The following SVOPL variants were observed in gnomAD, a reference collection of about 807,000 sequenced individuals.
SVOPL encodes putative transporter SVOPL.
In SVOPL, 60 loss-of-function variants were observed where a neutral mutation model predicts 61.0. That is an observed-to-expected ratio of 0.98 (90% CI 0.80 to 1.22). The LOEUF (loss-of-function observed/expected upper bound fraction) is 1.22, where lower values mean the gene tolerates loss of function less well. Among genes scored for constraint, SVOPL ranks in the 50% most tolerant of loss-of-function variants. SVOPL has a pLI of 0.00. For synonymous variants in SVOPL, 279 were observed against 250.0 expected, an observed-to-expected ratio of 1.12 and a Z score of -1.09; for missense variants, 662 against 643.9, an observed-to-expected ratio of 1.03 and a Z score of -0.30.
chr7:138,621,119 A>T lies in SVOPL; in HGVS notation c.1280T>A (p.Met427Lys). The T allele has an allele frequency of 6.2e-7, 1 of 1,613,722 alleles. No individual in the cohort carries two copies. Among genetic ancestry groups the T allele is most frequent in the Non-Finnish European group, 8.5e-7 (1 of 1,179,846 alleles). Reference sequence around the variant, plus strand: ...GCTGGTTCCCATCCCCAAAGCGCGCATCGTGGTGGGGTAGACCTGCAGGGA... The same window carrying T: ...GCTGGTTCCCATCCCCAAAGCGCGCTTCGTGGTGGGGTAGACCTGCAGGGA... ...IYTAEVYPTT[M>K]RALGMGTSGS... The change falls in exon 14 of 16, where the codon ATG becomes AAG. Residue 427 changes from methionine (M) to lysine (K), a missense_variant. Transcript: ENST00000674285.
chr7:138,648,533 CAAAAAAA>C lies in SVOPL; in HGVS notation c.660+472_660+478del, dbSNP rs61171485. Among the ~76,000 whole-genome samples, 102 of 73,794 alleles carry C rather than the reference CAAAAAAA, an allele frequency of 1.4e-3. No individual in the cohort carries two copies. The Middle Eastern group carries it at 0.025, about 18-fold the overall frequency. 48.4% of individuals were successfully genotyped at this position (73,794 alleles called of 152,430 possible). A position where few individuals can be genotyped will look rare whatever the true frequency, so the allele number is the denominator to read the frequency against. ...TGAAACACTGTCTCTACTAAAAATC[CAAAAAAA>C]AAAAAAAAAAAAAAAAAATTAGTCA... On this transcript the variant is annotated intron_variant, in intron 8 of 15. Transcript: ENST00000674285.
intron 10 of SVOPL, 103 bp from the exon 11 acceptor site, chr7:138,628,466 G>C: frequency 8.1e-7 from 1 of 1,228,014 alleles, no homozygotes; most frequent in Non-Finnish European, 1.1e-6. Context: ...GGAAAGCAAA[G>C]AGAGCAGAAA....
chr7:138,620,900 T>G (rs1402282035), intron 14 of SVOPL, 146 bp downstream of exon 14: 1 of 750,362 alleles, frequency 1.3e-6, no homozygotes, highest in East Asian at 2.8e-5. Context: ...TCTACCTAAA[T>G]CCACCAAACA....
At position 138,652,075 on chromosome 7, in the gene SVOPL, T is replaced by TC. The variant is rs544053231; in HGVS notation, c.535-2939dup. Among the ~76,000 whole-genome samples, 44 of 151,358 alleles carry TC rather than the reference T, an allele frequency of 2.9e-4. No homozygotes were observed. In the South Asian group the frequency reaches 3.8e-3, roughly 13 times the overall value. On this transcript the variant is annotated intron_variant, in intron 7 of 15. Transcript: ENST00000674285. ...CCACCACACCCAGCCAATTTTTTTT[T>TC]CCCCCTCGCTCTGTCACCCAGGCTG...
At chr7:138,625,571 T>G (rs940784577) in intron 13 of SVOPL, among the ~76,000 whole-genome samples, 4 of 152,184 alleles carry the variant, frequency 2.6e-5, no homozygotes, top group African/African-American at 9.6e-5. Context: ...TTAAGCTACA[T>G]GCAGCAAATA....
At chr7:138,681,023 A>G (rs1802689361) in intron 1 of SVOPL, among the ~76,000 whole-genome samples, 1 of 151,948 alleles carries the variant, frequency 6.6e-6, no homozygotes, top group South Asian at 2.1e-4. Context: ...CATATTTAGG[A>G]TAAGGAAAGT....
chr7:138,619,677 C>A (rs77310453), intron 14 of SVOPL, among the ~76,000 whole-genome samples: 11,456 of 151,394 alleles, frequency 0.076, 578 homozygotes, highest in African/African-American at 0.14. Flanking sequence ...TGGGAAATAC[C>A]TGATAAAGTC....
chr7:138,682,404 C>T (rs929626052), intron 1 of SVOPL, among the ~76,000 whole-genome samples: 1 of 152,092 alleles, frequency 6.6e-6, no homozygotes, highest in Non-Finnish European at 1.5e-5. Context: ...AGAAATGGAA[C>T]CTGAATCGAA....
At position 138,594,384 on chromosome 7, in the gene SVOPL, T is replaced by G; in HGVS notation, c.*226A>C. 2 of 316,156 alleles carry G rather than the reference T, an allele frequency of 6.3e-6. No individual in the cohort carries two copies. The highest frequency in any genetic ancestry group is 1.1e-5 in the Non-Finnish European group (2 of 173,920). 19.6% of individuals were successfully genotyped at this position (316,156 alleles called of 1,614,324 possible). A position where few individuals can be genotyped will look rare whatever the true frequency, so the allele number is the denominator to read the frequency against. Reference sequence around the variant, plus strand: ...CCCACCATCTCCCTCTCACACCCCTTTGAAAGCTTAAATTATATTTTATAA... The same window carrying G: ...CCCACCATCTCCCTCTCACACCCCTGTGAAAGCTTAAATTATATTTTATAA... On this transcript the variant is annotated 3_prime_UTR_variant, in exon 16 of 16. Transcript: ENST00000674285.
At chr7:138,685,456 A>G (rs1298527418) in intron 1 of SVOPL, among the ~76,000 whole-genome samples, 1 of 152,196 alleles carries the variant, frequency 6.6e-6, no homozygotes, top group East Asian at 1.9e-4. Context: ...GGAACAGGGA[A>G]GTATTAGTCA....
chr7:138,630,628 T>C (rs371053605), intron 9 of SVOPL, among the ~76,000 whole-genome samples: 1 of 152,140 alleles, frequency 6.6e-6, no homozygotes, highest in Admixed American at 6.6e-5. Flanking sequence ...ATAGTACCTA[T>C]TGAATAACTT....
intron 7 of SVOPL, among the ~76,000 whole-genome samples, chr7:138,655,731 GATAT>G (rs1290394462): frequency 6.7e-6 from 1 of 149,622 alleles, no homozygotes; most frequent in Admixed American, 6.7e-5. Flanking sequence ...GTGTAATATA[GATAT>G]ATATTCATTT....
intron 15 of SVOPL, among the ~76,000 whole-genome samples, chr7:138,594,956 A>T (rs1192366175): frequency 6.6e-6 from 1 of 151,018 alleles, no homozygotes; most frequent in Non-Finnish European, 1.5e-5. Flanking sequence ...GGGTTTCACC[A>T]TGTTGGCCAT....
intron 8 of SVOPL, among the ~76,000 whole-genome samples, chr7:138,648,483 T>C (rs1673175): frequency 0.3 from 41,555 of 138,980 alleles, 7,270 homozygotes; most frequent in African/African-American, 0.51. Context: ...GGGTGGATCA[T>C]GAGGTCAGGA....
intron 5 of SVOPL, chr7:138,662,628 G>A (rs1018081401): frequency 1.3e-4 from 133 of 990,148 alleles, no homozygotes; most frequent in Non-Finnish European, 1.4e-4. Context: ...CATTAGAAGC[G>A]AAGATATGGA....
At chr7:138,608,018 A>G (rs1241811015) in intron 14 of SVOPL, among the ~76,000 whole-genome samples, 1 of 152,224 alleles carries the variant, frequency 6.6e-6, no homozygotes, top group Non-Finnish European at 1.5e-5. Context: ...ATTCCTAATA[A>G]CAACAAAATG....
At chr7:138,602,439 TGCTATATA>T in intron 14 of SVOPL, among the ~76,000 whole-genome samples, 1 of 114,366 alleles carries the variant, frequency 8.7e-6, no homozygotes, top group Non-Finnish European at 1.8e-5. Context: ...AAAAGGCAGT[TGCTATATA>T]TATATATATA....
chr7:138,648,120 G>A (rs1801213283), intron 8 of SVOPL, among the ~76,000 whole-genome samples: 1 of 152,164 alleles, frequency 6.6e-6, no homozygotes, highest in Non-Finnish European at 1.5e-5. Context: ...ACCTACAGAT[G>A]AGTGGGAGAG....
At chr7:138,658,488 C>A (rs1217965513) in intron 6 of SVOPL, among the ~76,000 whole-genome samples, 1 of 152,040 alleles carries the variant, frequency 6.6e-6, no homozygotes, top group Non-Finnish European at 1.5e-5. Flanking sequence ...ACTATGCTGT[C>A]CAGGCTGGTC....
Sources: allele counts gnomAD v4.1 joint callset (sites outside exome capture counted in the v4.1 genomes callset), GRCh38; gene constraint gnomAD v4.1.1; transcripts MANE v1.5; gene names NCBI Gene and HGNC (gene_info 2026-07-23, HGNC 2026-07-21).